The following SUPT6H variants were observed in gnomAD, a reference collection of about 807,000 sequenced individuals.
The protein encoded by SUPT6H is transcription elongation factor SPT6.
A neutral mutation model predicts 222.3 loss-of-function variants in SUPT6H; 11 were observed. The observed-to-expected ratio is 0.05, with a 90% CI of 0.03 to 0.08. The LOEUF (loss-of-function observed/expected upper bound fraction) is 0.08, where lower values mean the gene tolerates loss of function less well. Among genes scored for constraint, SUPT6H ranks in the 10% least tolerant of loss-of-function variants. The pLI, the probability that SUPT6H is intolerant of heterozygous loss-of-function variation, is 1.00. For missense variants in SUPT6H, 1,422 were observed against 2,216.0 expected (o/e 0.64, Z 7.19); for synonymous variants, 762 against 801.2 (o/e 0.95, Z 0.83).
At chr17:28,666,240 TATC>T (rs1479149353) in intron 1 of SUPT6H, among the ~76,000 whole-genome samples, 2 of 152,240 alleles carry the variant, frequency 1.3e-5, no homozygotes, top group African/African-American at 4.8e-5. Flanking sequence ...ATGCTATTCT[TATC>T]ATCAATTCTC....
At chr17:28,673,150 CAAA>C (rs568444024) in intron 1 of SUPT6H, among the ~76,000 whole-genome samples, 11 of 81,822 alleles carry the variant, frequency 1.3e-4, no homozygotes, top group African/African-American at 1.8e-4. Flanking sequence ...GACGCCACCT[CAAA>C]AAAAAAAAAA....
Position 28,701,645 on chromosome 17 carries a change from C to T in SUPT6H, c.*20C>T, listed in dbSNP as rs377147355. On this transcript the variant is annotated 3_prime_UTR_variant, in exon 37 of 37. Transcript: ENST00000314616. ...CGGTAGGGGGCCTGCTCCTCGGACT[C>T]TGGTTACCTCTGAGGCTGGGAAAGG... 4 of 1,586,996 alleles carry T rather than the reference C, an allele frequency of 2.5e-6. No individual in the cohort carries two copies. The African/African-American group carries it at 5.4e-5, about 21-fold the overall frequency.
intron 32 of SUPT6H, 83 bp downstream of exon 32, chr17:28,698,113 C>G: frequency 6.7e-7 from 1 of 1,494,656 alleles, no homozygotes; most frequent in Non-Finnish European, 8.9e-7. Flanking sequence ...GCAGTGCCCT[C>G]TCTGGCTCTG....
At chr17:28,682,226 C>T (rs2031151464) in intron 13 of SUPT6H, 1 of 443,714 alleles carries the variant, frequency 2.3e-6, no homozygotes, top group Admixed American at 3.5e-5. Context: ...GGAGAGAGTC[C>T]AGTCTGTCTG....
intron 26 of SUPT6H, 104 bp from the exon 27 acceptor site, chr17:28,690,817 A>G (rs1394969096): frequency 7.5e-7 from 1 of 1,335,446 alleles, no homozygotes; most frequent in East Asian, 2.3e-5. Flanking sequence ...TTCCCTCTTC[A>G]AGGATGGGAA....
chr17:28,697,584 GATATGAC>G, intron 30 of SUPT6H, 29 bp from the exon 31 acceptor site: 5 of 1,552,082 alleles, frequency 3.2e-6, no homozygotes, highest in Non-Finnish European at 4.4e-6. Context: ...CTCAGCTCTG[GATATGAC>G]ACATGGGGCC....
intron 13 of SUPT6H, 130 bp downstream of exon 13, chr17:28,682,110 A>G (rs1567694296): frequency 1.5e-6 from 1 of 659,708 alleles, no homozygotes; most frequent in Non-Finnish European, 2.5e-6. Flanking sequence ...GAACTAGCCT[A>G]TTAGCTGGTC....
chr17:28,667,048 C>T (rs990504506), intron 1 of SUPT6H, among the ~76,000 whole-genome samples: 2 of 151,508 alleles, frequency 1.3e-5, no homozygotes, highest in Non-Finnish European at 2.9e-5. Context: ...ATTGGATATT[C>T]ACTTATGGAT....
intron 11 of SUPT6H, among the ~76,000 whole-genome samples, chr17:28,680,052 C>G (rs1433578372): frequency 2.0e-5 from 3 of 149,742 alleles, no homozygotes; most frequent in Non-Finnish European, 4.4e-5. Context: ...TGCCTGTAAT[C>G]CCAACACTTT....
In SUPT6H at chr17:28,681,987, G is replaced by T. The variant is rs1300872408; in HGVS notation, c.1597+7G>T. The T allele has an allele frequency of 6.3e-7, 1 of 1,596,126 alleles. No homozygotes were observed. The highest frequency in any genetic ancestry group is 8.5e-7 in the Non-Finnish European group (1 of 1,172,322). On this transcript the variant is annotated splice_region_variant and intron_variant, in intron 13 of 36. Transcript: ENST00000314616. ...TGCCAGAGTGCTGGGCTAGGTAAAA[G>T]CTAGCTGCTTTGGGATTTAGGCATT...
intron 29 of SUPT6H, 82 bp from the exon 30 acceptor site, chr17:28,696,762 A>G (rs1278281234): frequency 7.8e-7 from 1 of 1,285,662 alleles, no homozygotes; most frequent in African/African-American, 1.5e-5. Flanking sequence ...TAAATAAATA[A>G]GAAATGAAGG....
chr17:28,682,065 G>A, intron 13 of SUPT6H, 85 bp downstream of exon 13: 2 of 1,137,958 alleles, frequency 1.8e-6, no homozygotes, highest in Non-Finnish European at 2.5e-6. Flanking sequence ...GTAGGAAAAA[G>A]AAAGGCTATC....
intron 15 of SUPT6H, 57 bp downstream of exon 15, chr17:28,683,149 C>A: frequency 6.4e-7 from 1 of 1,561,912 alleles, no homozygotes; most frequent in Non-Finnish European, 8.7e-7. Context: ...CTTTGATTGC[C>A]TGAGTTTCTT....
At chr17:28,689,587 CA>C in intron 25 of SUPT6H, 26 bp downstream of exon 25, 1 of 1,610,586 alleles carries the variant, frequency 6.2e-7, no homozygotes, top group Non-Finnish European at 8.5e-7. Flanking sequence ...GAAGGCCCGG[CA>C]GGAGAACCCA....
At chr17:28,698,095 G>C (rs1276111339) in intron 32 of SUPT6H, 65 bp downstream of exon 32, 34 of 1,556,074 alleles carry the variant, frequency 2.2e-5, no homozygotes, top group Non-Finnish European at 2.8e-5. Flanking sequence ...GGCAGGGAGA[G>C]GCCCGGAGCA....
At chr17:28,697,815 G>C in intron 31 of SUPT6H, 82 bp downstream of exon 31, 1 of 1,605,994 alleles carries the variant, frequency 6.2e-7, no homozygotes, top group Non-Finnish European at 8.5e-7. Flanking sequence ...GGGACACTCA[G>C]GCGGTGAAGG....
chr17:28,671,890 T>G (rs755231487), intron 1 of SUPT6H, among the ~76,000 whole-genome samples: 22 of 152,230 alleles, frequency 1.4e-4, no homozygotes, highest in Non-Finnish European at 1.3e-4. Context: ...AATAATTTGC[T>G]TAAGTTTATG....
intron 32 of SUPT6H, among the ~76,000 whole-genome samples, chr17:28,698,904 G>A (rs2032030059): frequency 1.3e-5 from 2 of 152,162 alleles, no homozygotes; most frequent in South Asian, 2.1e-4. Context: ...GCTAAGTGGG[G>A]CTGGAAACTG....
At chr17:28,667,481 GTGTGTATA>G (rs2030145203) in intron 1 of SUPT6H, among the ~76,000 whole-genome samples, 1 of 135,484 alleles carries the variant, frequency 7.4e-6, no homozygotes, top group Non-Finnish European at 1.5e-5. Context: ...GTATATATGT[GTGTGTATA>G]TATGTATATG....
Sources: gnomAD v4.1 joint callset for allele counts (sites outside exome capture counted in the v4.1 genomes callset) on GRCh38, gnomAD v4.1.1 for gene constraint, MANE v1.5 for transcripts, NCBI Gene and HGNC (gene_info 2026-07-23, HGNC 2026-07-21) for gene names.